MTAP: variants seen among roughly 807,000 people sequenced by gnomAD.
MTAP encodes methylthioadenosine phosphorylase.
In MTAP, 33 loss-of-function variants were observed where a neutral mutation model predicts 33.6. The ratio of observed to expected loss-of-function variants is 0.98; its 90% CI spans 0.74 to 1.31. The LOEUF (loss-of-function observed/expected upper bound fraction) is 1.31. MTAP is among the 40% of genes most tolerant of loss of function. The probability of loss-of-function intolerance (pLI) is 0.00; values close to 1 mark genes in which losing one functional copy is unlikely to be tolerated. For synonymous variants in MTAP, 148 were observed against 125.7 expected, an observed-to-expected ratio of 1.18 and a Z score of -1.19; for missense variants, 367 against 360.0, an observed-to-expected ratio of 1.02 and a Z score of -0.16.
At chr9:21,805,918 A>G (rs772405529) in intron 1 of MTAP, among the ~76,000 whole-genome samples, 13 of 152,166 alleles carry the variant, frequency 8.5e-5, no homozygotes, top group Non-Finnish European at 1.9e-4. Context: ...AGACCTGAGG[A>G]GAGAGATGGG....
At chr9:21,897,826 A>G (rs1443556651) in intron 1 of MTAP, among the ~76,000 whole-genome samples, 1 of 152,118 alleles carries the variant, frequency 6.6e-6, no homozygotes, top group African/African-American at 2.4e-5. Context: ...TTATAGATTC[A>G]ATGCCATCCC....
chr9:21,847,526 A>T (rs1825411942), intron 5 of MTAP, among the ~76,000 whole-genome samples: 2 of 152,024 alleles, frequency 1.3e-5, no homozygotes, highest in South Asian at 4.2e-4. Context: ...TATATTTGAG[A>T]CTCCTGATTC....
downstream of MTAP, among the ~76,000 whole-genome samples, chr9:21,939,717 T>C (rs1046540480): frequency 6.6e-6 from 1 of 151,624 alleles, no homozygotes; most frequent in Non-Finnish European, 1.5e-5. Flanking sequence ...ATAATAATAA[T>C]AATAATAATA....
intron 1 of MTAP, among the ~76,000 whole-genome samples, chr9:21,925,926 A>G (rs1254147351): frequency 1.3e-5 from 2 of 152,196 alleles, no homozygotes; most frequent in South Asian, 2.1e-4. Context: ...CCCATAACCC[A>G]AAGGTTCACT....
At chr9:21,923,949 G>C (rs1001823909) in intron 1 of MTAP, among the ~76,000 whole-genome samples, 2 of 152,200 alleles carry the variant, frequency 1.3e-5, no homozygotes, top group East Asian at 1.9e-4. Context: ...AGAGATAAAG[G>C]CTGGTCACAG....
chr9:21,930,923 A>G (rs1818947880), intron 1 of MTAP: 4 of 652,010 alleles, frequency 6.1e-6, no homozygotes, highest in South Asian at 5.3e-5. Flanking sequence ...TTTTAGGCCC[A>G]CATGTTAGCC....
intron 4 of MTAP, among the ~76,000 whole-genome samples, chr9:21,836,461 T>A (rs1825109321): frequency 6.6e-6 from 1 of 152,094 alleles, no homozygotes; most frequent in South Asian, 2.1e-4. Context: ...TGTTATGGTG[T>A]GGAAGTCAGT....
intron 1 of MTAP, among the ~76,000 whole-genome samples, chr9:21,812,813 G>A (rs190533982): frequency 1.2e-4 from 18 of 152,222 alleles, no homozygotes; most frequent in African/African-American, 4.3e-4. Flanking sequence ...GGGATATTGG[G>A]AGAGGGCACA....
At chr9:21,928,366 C>T (rs1360319074) in intron 1 of MTAP, among the ~76,000 whole-genome samples, 2 of 152,158 alleles carry the variant, frequency 1.3e-5, no homozygotes, top group African/African-American at 2.4e-5. Context: ...GAAGCCCCCT[C>T]CATAATAAGT....
chr9:21,827,503 G>C (rs1824852191), intron 4 of MTAP, among the ~76,000 whole-genome samples: 1 of 152,206 alleles, frequency 6.6e-6, no homozygotes, highest in Non-Finnish European at 1.5e-5. Context: ...TTGAATATCA[G>C]CAGTTTCATG....
At chr9:21,935,165 T>G (rs1403529445), downstream of MTAP, 3 of 152,202 alleles carry the variant, frequency 2.0e-5, no homozygotes, top group Non-Finnish European at 2.9e-5. Context: ...TAGAATAGAA[T>G]TCAATTGAAT....
chr9:21,897,476 A>G (rs1271558280), intron 1 of MTAP, among the ~76,000 whole-genome samples: 1 of 152,210 alleles, frequency 6.6e-6, no homozygotes, highest in East Asian at 1.9e-4. Flanking sequence ...GTATATTTAG[A>G]AAACCCCATT....
At chr9:21,837,242 G>A (rs1825134168) in intron 4 of MTAP, among the ~76,000 whole-genome samples, 1 of 152,144 alleles carries the variant, frequency 6.6e-6, no homozygotes, top group African/African-American at 2.4e-5. Context: ...TCCTAAATAT[G>A]GAGCAAGACA....
chr9:21,848,840 A>G (rs1199013335), intron 5 of MTAP, among the ~76,000 whole-genome samples: 2 of 152,280 alleles, frequency 1.3e-5, no homozygotes, highest in Non-Finnish European at 1.5e-5. Context: ...AGTGGGAATA[A>G]TTGGATTCCA....
intron 3 of MTAP, 39 bp downstream of exon 3, chr9:21,816,811 G>A: frequency 6.5e-7 from 1 of 1,531,872 alleles, no homozygotes; most frequent in Middle Eastern, 1.7e-4. Context: ...ACTACTAAAG[G>A]ATAATTTAAA....
In MTAP at chr9:21,818,645, G is replaced by C. The variant is rs200770048; in HGVS notation, c.347+443G>C. On this transcript the variant is annotated intron_variant, in intron 4 of 7. Transcript: ENST00000644715. ...CAGCCTGTGTTAAGCTTTTCATTGTGAGTTTTTGTTTTTTAATTTTAATTG... is the reference window on the plus strand; with the variant it reads ...CAGCCTGTGTTAAGCTTTTCATTGTCAGTTTTTGTTTTTTAATTTTAATTG... Among the ~76,000 whole-genome samples, 3 of 152,078 alleles carry C rather than the reference G, an allele frequency of 2.0e-5. No individual in the cohort carries two copies. The East Asian group carries it at 5.8e-4, about 29-fold the overall frequency.
At chr9:21,835,209 C>T (rs1358177142) in intron 4 of MTAP, among the ~76,000 whole-genome samples, 1 of 152,194 alleles carries the variant, frequency 6.6e-6, no homozygotes, top group Non-Finnish European at 1.5e-5. Context: ...TCTGCCTAAT[C>T]ACCTCCAAAA....
chr9:21,854,995 A>C (rs2118515662), intron 6 of MTAP, 125 bp downstream of exon 6: 4 of 1,308,766 alleles, frequency 3.1e-6, no homozygotes, highest in Non-Finnish European at 4.1e-6. Flanking sequence ...TGAAGTTGTT[A>C]ATATTTTCTG....
chr9:21,891,431 C>A (rs1454668055), intron 1 of MTAP, among the ~76,000 whole-genome samples: 1 of 151,992 alleles, frequency 6.6e-6, no homozygotes, highest in Non-Finnish European at 1.5e-5. Flanking sequence ...ATCAAAATAG[C>A]CATTTTAAGA....
Sources: gnomAD v4.1 joint callset for allele counts (sites outside exome capture counted in the v4.1 genomes callset) on GRCh38, gnomAD v4.1.1 for gene constraint, MANE v1.5 for transcripts, NCBI Gene and HGNC (gene_info 2026-07-23, HGNC 2026-07-21) for gene names.